The following RNF141 variants were observed in gnomAD, a reference collection of about 807,000 sequenced individuals.
RNF141 encodes ring finger protein 141.
A neutral mutation model predicts 27.4 loss-of-function variants in RNF141; 18 were observed. That is an observed-to-expected ratio of 0.66 (90% CI 0.45 to 0.97). The LOEUF is 0.97. RNF141 is among the 50% of genes least tolerant of loss of function. RNF141 has a pLI of 0.00. For synonymous variants in RNF141, 97 were observed against 96.6 expected (o/e 1.00, Z -0.02); for missense variants, 230 against 279.4 (o/e 0.82, Z 1.26).
chr11:10,532,864 C>A (rs544589749), intron 2 of RNF141, among the ~76,000 whole-genome samples: 1 of 152,210 alleles, frequency 6.6e-6, no homozygotes, highest in East Asian at 1.9e-4. Flanking sequence ...TTTCATTCAG[C>A]CTTTTTAGGG....
In RNF141 at chr11:10,514,569, A is replaced by G. The variant is rs4146830; in HGVS notation, c.*347T>C. 0.66 allele frequency: 114,352 copies of G among 174,058 alleles called. 37,891 individuals carry two copies. Among genetic ancestry groups the G allele is most frequent in the East Asian group, 0.85 (5,545 of 6,550 alleles). The allele number at this position is 174,058 out of a possible 1,614,324, so 10.8% of individuals were successfully genotyped here. On this transcript the variant is annotated 3_prime_UTR_variant, in exon 6 of 6. Coordinates refer to ENST00000265981, the MANE Select transcript of RNF141 (RefSeq NM_016422.4). Reference sequence around the variant, plus strand: ...AGGTTTATTTTATATCTAAGTAAAAAGATTCCAGAATACTCCTGCCCTGCA... The same window carrying G: ...AGGTTTATTTTATATCTAAGTAAAAGGATTCCAGAATACTCCTGCCCTGCA...
chr11:10,537,035 TAA>T (rs1850043747), intron 1 of RNF141, among the ~76,000 whole-genome samples: 1 of 152,180 alleles, frequency 6.6e-6, no homozygotes, highest in South Asian at 2.1e-4. Context: ...TGAAGCAATA[TAA>T]GTTTGTTTAA....
chr11:10,533,991 G>T, intron 2 of RNF141, 25 bp downstream of exon 2: 1 of 1,605,792 alleles, frequency 6.2e-7, no homozygotes, highest in South Asian at 1.1e-5. Flanking sequence ...GGGGAAAAAC[G>T]AAAAACAAAA....
intron 4 of RNF141, among the ~76,000 whole-genome samples, chr11:10,521,845 A>G (rs1174469175): frequency 6.6e-6 from 1 of 152,208 alleles, no homozygotes; most frequent in Admixed American, 6.5e-5. Context: ...AAAACTGAGG[A>G]AAAAGATTGA....
In RNF141 at chr11:10,515,078, G is replaced by A; in HGVS notation, c.543-12C>T. ...TGTGTCGATCACTCCTATTAGAGAAGTCAAAACAAAACAGTTTGCTTTCTT... is the reference window on the plus strand; with the variant it reads ...TGTGTCGATCACTCCTATTAGAGAAATCAAAACAAAACAGTTTGCTTTCTT... On this transcript the variant is annotated splice_polypyrimidine_tract_variant and intron_variant, in intron 5 of 5. Coordinates refer to ENST00000265981, the MANE Select transcript of RNF141 (RefSeq NM_016422.4). 1 of 1,597,408 alleles carries A rather than the reference G, an allele frequency of 6.3e-7. No homozygotes were observed.
In RNF141 at chr11:10,511,996, A is replaced by G. The variant is rs767320811; in HGVS notation, c.*2920T>C. 2.6e-5 allele frequency: 4 copies of G among 152,666 alleles called. No individual in the cohort carries two copies. Among genetic ancestry groups the G allele is most frequent in the Admixed American group, 2.0e-4 (3 of 15,286 alleles). 9.5% of individuals were successfully genotyped at this position (152,666 alleles called of 1,614,324 possible). A position where few individuals can be genotyped will look rare whatever the true frequency, so the allele number is the denominator to read the frequency against. ...GGGTACTAAGAATAACACAGATCCT[A>G]TTATTCTCAACCTCTAAATTCAGTA... On this transcript the variant is annotated 3_prime_UTR_variant, in exon 6 of 6. Transcript: ENST00000265981.
chr11:10,537,320 T>G (rs1011006336), intron 1 of RNF141, among the ~76,000 whole-genome samples: 1 of 152,188 alleles, frequency 6.6e-6, no homozygotes, highest in Non-Finnish European at 1.5e-5. Flanking sequence ...TAACATTTTA[T>G]TCCCAAAATG....
At chr11:10,536,392 T>G (rs1003349815) in intron 1 of RNF141, among the ~76,000 whole-genome samples, 5 of 152,122 alleles carry the variant, frequency 3.3e-5, no homozygotes, top group African/African-American at 1.2e-4. Context: ...TTGGGCTGTT[T>G]AACATTTTTG....
In RNF141 at chr11:10,525,296, G is replaced by C; in HGVS notation, c.330C>G (p.Ile110Met). The C allele has an allele frequency of 1.2e-6, 2 of 1,613,146 alleles. No individual in the cohort carries two copies. Among genetic ancestry groups the C allele is most frequent in the South Asian group, 2.2e-5 (2 of 90,928 alleles). ...CCAATACTCCTGCTGCTTGACTTGTGATATCTTTATAAAGTTGAATAAACT... is the reference window on the plus strand; with the variant it reads ...CCAATACTCCTGCTGCTTGACTTGTCATATCTTTATAAAGTTGAATAAACT... Reference protein sequence around the residue: ...LYQFIQLYKDITSQAAGVLAQ... With the variant: ...LYQFIQLYKDMTSQAAGVLAQ... The change falls in exon 4 of 6, where the codon ATC (isoleucine) becomes ATG (methionine). Residue 110 changes from isoleucine to methionine, a missense_variant. Transcript: ENST00000265981.
chr11:10,533,539 A>T (rs1417878109), intron 2 of RNF141, among the ~76,000 whole-genome samples: 2 of 125,518 alleles, frequency 1.6e-5, no homozygotes, highest in Non-Finnish European at 3.6e-5. Flanking sequence ...CAGTAAAAAA[A>T]AGTATATATA....
At chr11:10,531,847 G>A (rs183007898) in intron 2 of RNF141, 138 of 241,544 alleles carry the variant, frequency 5.7e-4, no homozygotes, top group African/African-American at 3.0e-3. Flanking sequence ...AAAGTCTTCG[G>A]TGAAAATAAT....
At chr11:10,531,342 T>C in intron 2 of RNF141, among the ~76,000 whole-genome samples, 1 of 138,564 alleles carries the variant, frequency 7.2e-6, no homozygotes, top group African/African-American at 2.8e-5. Context: ...GCCATTGCAC[T>C]CCAGCCTGGG....
At chr11:10,537,366 T>C (rs1473133577) in intron 1 of RNF141, among the ~76,000 whole-genome samples, 1 of 152,214 alleles carries the variant, frequency 6.6e-6, no homozygotes, top group Non-Finnish European at 1.5e-5. Flanking sequence ...TGTACCAATT[T>C]AATGAAAATG....
chr11:10,527,613 T>C (rs1023080425), intron 3 of RNF141, among the ~76,000 whole-genome samples: 2 of 150,556 alleles, frequency 1.3e-5, no homozygotes, highest in Non-Finnish European at 2.9e-5. Flanking sequence ...CAGTAATAAC[T>C]GTAGCTTTGA....
intron 4 of RNF141, among the ~76,000 whole-genome samples, chr11:10,519,667 GAA>G (rs200756768): frequency 6.6e-6 from 1 of 152,006 alleles, no homozygotes. Flanking sequence ...TTACTGTATG[GAA>G]CACTGTAGGC....
intron 4 of RNF141, among the ~76,000 whole-genome samples, chr11:10,522,526 G>A (rs959957032): frequency 6.6e-6 from 1 of 152,166 alleles, no homozygotes; most frequent in Admixed American, 6.5e-5. Flanking sequence ...TACTGACAGA[G>A]AAAAGACCAT....
chr11:10,538,374 T>G (rs199759836), intron 1 of RNF141, among the ~76,000 whole-genome samples: 2 of 152,216 alleles, frequency 1.3e-5, no homozygotes, highest in East Asian at 3.8e-4. Flanking sequence ...TCTATCACTA[T>G]ATGGGTGTGA....
Position 10,519,094 on chromosome 11 carries a change from C to T in RNF141, c.482G>A (p.Gly161Glu). The T allele has an allele frequency of 6.2e-7, 1 of 1,614,054 alleles. No homozygotes were observed. Among genetic ancestry groups the T allele is most frequent in the Non-Finnish European group, 8.5e-7 (1 of 1,179,948 alleles). The part of the protein sequence containing the change: ...DEEECCICMD[G>E]RADLILPCAH... ...ACAAGGCAGGATGAGGTCAGCCCGC[C>T]CATCCATACAGATACAACACTCCTC... Residue 161 changes from glycine to glutamate, a missense_variant, in exon 5 of 6, where the codon GGG becomes GAG. Gly to Glu is a moderately conservative substitution (Grantham distance 98). Coordinates refer to ENST00000265981, the MANE Select transcript of RNF141 (RefSeq NM_016422.4).
intron 1 of RNF141, among the ~76,000 whole-genome samples, chr11:10,536,569 T>C (rs567394407): frequency 1.1e-4 from 17 of 152,310 alleles, no homozygotes; most frequent in African/African-American, 3.8e-4. Context: ...AAAACACATA[T>C]GTAAGATGTG....
Sources: allele counts gnomAD v4.1 joint callset (sites outside exome capture counted in the v4.1 genomes callset), GRCh38; gene constraint gnomAD v4.1.1; transcripts MANE v1.5; gene names NCBI Gene and HGNC (gene_info 2026-07-23, HGNC 2026-07-21).